The following SLC19A2 variants were observed in gnomAD, a reference collection of about 807,000 sequenced individuals.
SLC19A2 encodes solute carrier family 19 member 2, also known as thiamine transporter 1.
A neutral mutation model predicts 44.7 loss-of-function variants in SLC19A2; 27 were observed. The observed-to-expected ratio is 0.60, with a 90% CI of 0.45 to 0.83. The LOEUF (loss-of-function observed/expected upper bound fraction) is 0.83. Among genes scored for constraint, SLC19A2 ranks in the 40% least tolerant of loss-of-function variants. SLC19A2 has a pLI of 0.00. For missense variants in SLC19A2, 566 were observed against 613.7 expected, an observed-to-expected ratio of 0.92 and a Z score of 0.82; for synonymous variants, 239 against 243.6, an observed-to-expected ratio of 0.98 and a Z score of 0.18.
chr1:169,473,141 T>C (rs1353803382), intron 2 of SLC19A2, among the ~76,000 whole-genome samples: 1 of 152,212 alleles, frequency 6.6e-6, no homozygotes, highest in East Asian at 1.9e-4. Context: ...GTTTTATAAA[T>C]TTAAAAATCT....
At chr1:169,484,014 T>C (rs1234601892) in intron 1 of SLC19A2, among the ~76,000 whole-genome samples, 1 of 152,214 alleles carries the variant, frequency 6.6e-6, no homozygotes, top group Non-Finnish European at 1.5e-5. Context: ...AAAACTCAAA[T>C]AGGTTATGAA....
intron 5 of SLC19A2, among the ~76,000 whole-genome samples, chr1:169,467,896 A>C (rs1431036069): frequency 6.6e-6 from 1 of 152,182 alleles, no homozygotes; most frequent in Non-Finnish European, 1.5e-5. Flanking sequence ...GATGAGTTAC[A>C]CTCGGGAATG....
At chr1:169,466,127 G>A in intron 5 of SLC19A2, 150 bp from the exon 6 acceptor site, 2 of 850,770 alleles carry the variant, frequency 2.4e-6, no homozygotes, top group South Asian at 1.6e-5. Context: ...CAGCATCACA[G>A]CACGGTGGTA....
chr1:169,468,967 G>C (rs1222620250), intron 3 of SLC19A2, 131 bp from the exon 4 acceptor site: 1 of 779,818 alleles, frequency 1.3e-6, no homozygotes, highest in African/African-American at 1.8e-5. Context: ...AGATTATGGA[G>C]GGCCTTGAAA....
In SLC19A2 at chr1:169,477,776, A is replaced by C. The variant is rs558855022; in HGVS notation, c.205-19T>G. 28 of 1,591,768 alleles carry C rather than the reference A, an allele frequency of 1.8e-5. No individual in the cohort carries two copies. In the East Asian group the frequency reaches 1.8e-4, roughly 10 times the overall value. The stretch of plus-strand genomic sequence containing the variant: ...TGAAGACCTGGTAGAAAGAGAAAAA[A>C]AAAAAACAAAAAACATTAGTGATGA... On this transcript the variant is annotated intron_variant, in intron 1 of 5. Coordinates refer to ENST00000236137, the MANE Select transcript of SLC19A2 (RefSeq NM_006996.3).
In SLC19A2 at chr1:169,469,160, T is replaced by G. The variant is rs1332002836; in HGVS notation, c.1031-324A>C. The G allele has an allele frequency of 4.7e-5, 16 of 342,322 alleles. 1 individual carries two copies. Among genetic ancestry groups the G allele is most frequent in the South Asian group, 4.4e-4 (16 of 36,152 alleles). 21.2% of individuals were successfully genotyped at this position (342,322 alleles called of 1,614,324 possible). A position where few individuals can be genotyped will look rare whatever the true frequency, so the allele number is the denominator to read the frequency against. On this transcript the variant is annotated intron_variant, in intron 3 of 5. Coordinates refer to ENST00000236137, the MANE Select transcript of SLC19A2 (RefSeq NM_006996.3). ...GTCAAAAAGAACCATAGCTTCTAAT[T>G]TGGCATCATGGCAGGATGAGTCATC...
At chr1:169,482,433 C>A (rs1340916730) in intron 1 of SLC19A2, among the ~76,000 whole-genome samples, 1 of 151,048 alleles carries the variant, frequency 6.6e-6, no homozygotes, top group Non-Finnish European at 1.5e-5. Context: ...CCTGGCTACT[C>A]AGGAAACTGA....
rs562605945 is a variant in SLC19A2 at position 169,465,824 on chromosome 1, TAAG to T, written c.*22_*24del. 572 of 1,612,822 alleles carry T rather than the reference TAAG, an allele frequency of 3.5e-4. 2 individuals carry two copies. In the African/African-American group the frequency reaches 6.9e-3, roughly 20 times the overall value. ...CAGTTGCTGTGCAGAGTTCTTGCTATAAGAAGAAGCCCTTCAGCAGTATATTAT... is the reference window on the plus strand; with the variant it reads ...CAGTTGCTGTGCAGAGTTCTTGCTATAAGAAGCCCTTCAGCAGTATATTAT... On this transcript the variant is annotated 3_prime_UTR_variant, in exon 6 of 6. Transcript: ENST00000236137.
At chr1:169,476,544 C>CAAAAATT (rs1658317611) in intron 2 of SLC19A2, among the ~76,000 whole-genome samples, 6 of 152,036 alleles carry the variant, frequency 3.9e-5, no homozygotes, top group African/African-American at 1.4e-4. Flanking sequence ...CATGATGAAA[C>CAAAAATT]CCCGTCTCTA....
chr1:169,477,402 AGCGACCAGCCTGCCACT>A lies in SLC19A2; in HGVS notation c.543_559del (p.Ala183GlnfsTer52). The A allele has an allele frequency of 1.2e-6, 2 of 1,614,224 alleles. No homozygotes were observed. Among genetic ancestry groups the A allele is most frequent in the South Asian group, 2.2e-5 (2 of 91,080 alleles). On this transcript the variant is annotated frameshift_variant, in exon 2 of 6. Coordinates refer to ENST00000236137, the MANE Select transcript of SLC19A2 (RefSeq NM_006996.3). LOFTEE classifies it high-confidence loss of function. ...AAGAGAGATGACATTCAGGCTGAAC[AGCGACCAGCCTGCCACT>A]GAGACAAGGATTTGCCCTAGGACAG...
intron 1 of SLC19A2, among the ~76,000 whole-genome samples, chr1:169,484,232 A>G (rs374267889): frequency 1.3e-5 from 2 of 152,346 alleles, no homozygotes; most frequent in Non-Finnish European, 1.5e-5. Flanking sequence ...AGTGCCCTTG[A>G]AAATGACGGA....
In SLC19A2 at chr1:169,465,078, T is replaced by C. The variant is rs1325789314; in HGVS notation, c.*771A>G. ...AGATTTAAAGACAAGCAAGCGTACCTTAAGCTTTCTTAAGTCTCTTCATTT... is the reference window on the plus strand; with the variant it reads ...AGATTTAAAGACAAGCAAGCGTACCCTAAGCTTTCTTAAGTCTCTTCATTT... On this transcript the variant is annotated 3_prime_UTR_variant, in exon 6 of 6. Transcript: ENST00000236137. 2.0e-5 allele frequency: 3 copies of C among 152,234 alleles called. No homozygotes were observed. The highest frequency in any genetic ancestry group is 7.2e-5 in the African/African-American group (3 of 41,466). The allele number at this position is 152,234 out of a possible 1,614,324, so 9.4% of individuals were successfully genotyped here.
rs769644201 is a variant in SLC19A2, at chr1:169,470,070, G to A, written c.924C>T (p.Gly308=). ...WSVWWALSTC[G]YFQVVNYTQG... Reference sequence around the variant, plus strand: ...GTGTGTAGTTCACAACTTGAAAATAGCCACAGGTAGAGAGGGCCCACCACA... The same window carrying A: ...GTGTGTAGTTCACAACTTGAAAATAACCACAGGTAGAGAGGGCCCACCACA... The change falls in exon 3 of 6, where the codon GGC becomes GGT. Residue 308 remains glycine (G), a synonymous_variant. Coordinates refer to ENST00000236137, the MANE Select transcript of SLC19A2 (RefSeq NM_006996.3). 3.7e-6 allele frequency: 6 copies of A among 1,613,892 alleles called. No homozygotes were observed. The highest frequency in any genetic ancestry group is 4.2e-6 in the Non-Finnish European group (5 of 1,179,938).
At chr1:169,476,425 T>G (rs1658311104) in intron 2 of SLC19A2, among the ~76,000 whole-genome samples, 1 of 152,158 alleles carries the variant, frequency 6.6e-6, no homozygotes, top group African/African-American at 2.4e-5. Context: ...CCTTAAATAC[T>G]GTGGGCTTCA....
Position 169,485,787 on chromosome 1 carries a change from ACCCGGC to A in SLC19A2, c.-27_-22del, listed in dbSNP as rs1658551218. The A allele has an allele frequency of 6.6e-7, 1 of 1,517,974 alleles. No individual in the cohort carries two copies. The highest frequency in any genetic ancestry group is 1.4e-5 in the African/African-American group (1 of 71,758). The allele number at this position is 1,517,974 out of a possible 1,614,324, so 94.0% of individuals were successfully genotyped here. On this transcript the variant is annotated 5_prime_UTR_variant, in exon 1 of 6. Transcript: ENST00000236137. The stretch of plus-strand genomic sequence containing the variant: ...TCCATCCGGGGCGCGAGGGGAGGGG[ACCCGGC>A]CCGGCCCCTTCCTTCTCCTCCTCCG...
intron 1 of SLC19A2, among the ~76,000 whole-genome samples, chr1:169,478,559 G>A (rs1207054214): frequency 2.6e-5 from 3 of 114,510 alleles, no homozygotes; most frequent in East Asian, 5.7e-4. Flanking sequence ...TTTTGGTAGA[G>A]ATAGGGTTTC....
chr1:169,471,463 CCACACACACACACACACACACACA>C (rs59833853), intron 2 of SLC19A2, among the ~76,000 whole-genome samples: 8,173 of 118,064 alleles, frequency 0.069, 1,326 homozygotes, highest in East Asian at 0.67. Flanking sequence ...GATCCCGTCT[CCACACACACACACACACACACACA>C]CACACACACA....
rs2101787492 is a variant in SLC19A2 at position 169,485,683 on chromosome 1, T to C, written c.84A>G (p.Glu28=). The change falls in exon 1 of 6, where the codon GAA becomes GAG. Residue 28 remains glutamate, a synonymous_variant. Transcript: ENST00000236137. ...GCAGCGCGGTCGGCAAGAACCAGCATTCGCGACGGACCCGAGCGGTCCGCA... is the reference window on the plus strand; with the variant it reads ...GCAGCGCGGTCGGCAAGAACCAGCACTCGCGACGGACCCGAGCGGTCCGCA... ...VLLRTARVRR[E]CWFLPTALLC... The C allele has an allele frequency of 6.5e-7, 1 of 1,549,526 alleles. No individual in the cohort carries two copies. Among genetic ancestry groups the C allele is most frequent in the Non-Finnish European group, 8.7e-7 (1 of 1,147,022 alleles).
At chr1:169,474,188 A>G (rs903630903) in intron 2 of SLC19A2, 1 of 152,196 alleles carries the variant, frequency 6.6e-6, no homozygotes, top group African/African-American at 2.4e-5. Flanking sequence ...TAGAAATGAC[A>G]TTATTTAATA....
Sources: gnomAD v4.1 joint callset for allele counts (sites outside exome capture counted in the v4.1 genomes callset) on GRCh38, gnomAD v4.1.1 for gene constraint, MANE v1.5 for transcripts, NCBI Gene and HGNC (gene_info 2026-07-23, HGNC 2026-07-21) for gene names.